The following PRKG1 variants were observed in gnomAD, a reference collection of about 807,000 sequenced individuals.
PRKG1 encodes the protein protein kinase cGMP-dependent 1, also known as cGMP-dependent protein kinase 1.
PRKG1 carries 35 observed loss-of-function variants against 88.1 expected under a neutral mutation model. The observed-to-expected ratio is 0.40, with a 90% CI of 0.30 to 0.53. PRKG1 has a LOEUF of 0.53. Ranked by LOEUF, PRKG1 falls within the 20% of genes least tolerant of loss-of-function variation. The pLI, the probability that PRKG1 is intolerant of heterozygous loss-of-function variation, is 0.59. For missense variants in PRKG1, 540 were observed against 839.8 expected, an observed-to-expected ratio of 0.64 and a Z score of 4.41; for synonymous variants, 303 against 292.5, an observed-to-expected ratio of 1.04 and a Z score of -0.37.
intron 3 of PRKG1, among the ~76,000 whole-genome samples, chr10:51,702,751 C>T (rs955772358): frequency 2.0e-5 from 3 of 151,800 alleles, no homozygotes; most frequent in African/African-American, 7.3e-5. Context: ...GGCTGGAGTG[C>T]GATGGCGTGA....
At chr10:51,043,896 T>TG (rs1843455684) in intron 1 of PRKG1, among the ~76,000 whole-genome samples, 2 of 152,320 alleles carry the variant, frequency 1.3e-5, no homozygotes, top group Admixed American at 1.3e-4. Flanking sequence ...GGTCCCGTGA[T>TG]GGGACTGCTC....
At chr10:51,427,589 C>T (rs189708592) in intron 2 of PRKG1, among the ~76,000 whole-genome samples, 1 of 152,278 alleles carries the variant, frequency 6.6e-6, no homozygotes, top group East Asian at 1.9e-4. Flanking sequence ...GATTCATTGG[C>T]AAGAGCCACA....
At chr10:51,346,323 G>A (rs1386168553) in intron 2 of PRKG1, among the ~76,000 whole-genome samples, 2 of 152,290 alleles carry the variant, frequency 1.3e-5, no homozygotes, top group Middle Eastern at 3.4e-3. Flanking sequence ...TTGCGGCTGG[G>A]TTTTATTTGA....
In PRKG1 at chr10:51,750,350, A is replaced by C. The variant is rs574811265; in HGVS notation, c.593-54235A>C. ...ATTTGAGTATTTTTTGCATGTGGACATAAGAAATCACTAACAGACATAACA... is the reference window on the plus strand; with the variant it reads ...ATTTGAGTATTTTTTGCATGTGGACCTAAGAAATCACTAACAGACATAACA... On this transcript the variant is annotated intron_variant, in intron 3 of 17. Transcript: ENST00000373980. 7.9e-5 allele frequency among the ~76,000 whole-genome samples: 12 copies of C among 152,330 alleles called. No individual in the cohort carries two copies. The South Asian group carries it at 2.5e-3, about 32-fold the overall frequency.
intron 1 of PRKG1, among the ~76,000 whole-genome samples, chr10:51,002,151 CAG>C (rs896097400): frequency 8.1e-5 from 12 of 148,440 alleles, no homozygotes; most frequent in Non-Finnish European, 1.3e-4. Context: ...GAGGAGAAAA[CAG>C]AGAAATAATG....
At chr10:52,159,691 A>C (rs1457607484) in intron 8 of PRKG1, among the ~76,000 whole-genome samples, 1 of 151,726 alleles carries the variant, frequency 6.6e-6, no homozygotes. Flanking sequence ...TCATCAGTTT[A>C]CTCTGTAATT....
intron 4 of PRKG1, among the ~76,000 whole-genome samples, chr10:51,829,624 T>C (rs1449203320): frequency 1.3e-5 from 2 of 152,216 alleles, no homozygotes; most frequent in Non-Finnish European, 2.9e-5. Flanking sequence ...CAGGGTTGAA[T>C]GTATAGGTCT....
intron 3 of PRKG1, chr10:51,696,075 G>A (rs1413766547): frequency 6.6e-6 from 1 of 152,094 alleles, no homozygotes; most frequent in Admixed American, 6.6e-5. Flanking sequence ...TGTCTCATTG[G>A]TATGTATATT....
intron 3 of PRKG1, among the ~76,000 whole-genome samples, chr10:51,749,344 A>G (rs1482563749): frequency 6.6e-6 from 1 of 152,198 alleles, no homozygotes; most frequent in Non-Finnish European, 1.5e-5. Flanking sequence ...GAAGTCTGAG[A>G]CCAGGCTGCC....
At chr10:52,254,178 A>G (rs1346898467) in intron 10 of PRKG1, among the ~76,000 whole-genome samples, 1 of 152,034 alleles carries the variant, frequency 6.6e-6, no homozygotes, top group Non-Finnish European at 1.5e-5. Context: ...ATCAATCACC[A>G]TAAGGGTAAC....
Position 51,738,269 on chromosome 10 carries a change from T to A in PRKG1, c.593-66316T>A, listed in dbSNP as rs550841639. 1.8e-3 allele frequency among the ~76,000 whole-genome samples: 268 copies of A among 152,276 alleles called. 1 individual carries two copies. The highest frequency in any genetic ancestry group is 6.0e-3 in the African/African-American group (250 of 41,544). ...ATAGATATTACCTAGAGTTTTTTGT[T>A]TTCTAAATTTGTGCGCTCAGTTTAG... On this transcript the variant is annotated intron_variant, in intron 3 of 17. Coordinates refer to ENST00000373980, the MANE Select transcript of PRKG1 (RefSeq NM_006258.4).
At chr10:51,422,503 C>T (rs1381037433) in intron 2 of PRKG1, among the ~76,000 whole-genome samples, 2 of 152,294 alleles carry the variant, frequency 1.3e-5, no homozygotes, top group Non-Finnish European at 1.5e-5. Context: ...CAACTCCAGG[C>T]AGCTCCTCCA....
At chr10:51,755,212 G>A (rs1012564937) in intron 3 of PRKG1, among the ~76,000 whole-genome samples, 2 of 152,164 alleles carry the variant, frequency 1.3e-5, no homozygotes, top group African/African-American at 2.4e-5. Flanking sequence ...CAACTGTTAA[G>A]CTGTACACTG....
chr10:52,148,957 C>CTTTTTTT lies in PRKG1; in HGVS notation c.1002-12912_1002-12906dup, dbSNP rs71904885. Reference sequence around the variant, plus strand: ...TATTTGACCACAGAGGATAGTTTTGCTTTTTTTTTTTTTTTTTTTTTTTTT... The same window carrying CTTTTTTT: ...TATTTGACCACAGAGGATAGTTTTGCTTTTTTTTTTTTTTTTTTTTTTTTTTTTTTTT... On this transcript the variant is annotated intron_variant, in intron 8 of 17. Transcript: ENST00000373980. Among the ~76,000 whole-genome samples, 3 of 55,166 alleles carry CTTTTTTT rather than the reference C, an allele frequency of 5.4e-5. 1 individual carries two copies. The highest frequency in any genetic ancestry group is 2.3e-4 in the African/African-American group (3 of 13,332). 36.2% of individuals were successfully genotyped at this position (55,166 alleles called of 152,430 possible).
chr10:52,201,110 C>T (rs575846840), intron 9 of PRKG1, among the ~76,000 whole-genome samples: 16 of 152,086 alleles, frequency 1.1e-4, no homozygotes, highest in Middle Eastern at 3.4e-3. Flanking sequence ...TTGGTGCCTT[C>T]GTTATGAAAT....
intron 3 of PRKG1, among the ~76,000 whole-genome samples, chr10:51,596,145 A>G (rs572056561): frequency 6.6e-6 from 1 of 152,162 alleles, no homozygotes; most frequent in Admixed American, 6.5e-5. Flanking sequence ...TGATTATTTA[A>G]CTGATTTCTG....
chr10:51,389,925 C>A (rs905084886), intron 2 of PRKG1, among the ~76,000 whole-genome samples: 7 of 152,068 alleles, frequency 4.6e-5, no homozygotes, highest in African/African-American at 1.7e-4. Flanking sequence ...TCTTGAAATT[C>A]CCATCTGTGG....
chr10:52,211,713 A>G (rs1468759011), intron 9 of PRKG1, among the ~76,000 whole-genome samples: 2 of 151,610 alleles, frequency 1.3e-5, no homozygotes, highest in African/African-American at 4.8e-5. Context: ...AAAAAAAAAA[A>G]AAAAGAAAAG....
At chr10:51,447,615 T>C (rs1164632153) in intron 2 of PRKG1, among the ~76,000 whole-genome samples, 4 of 95,596 alleles carry the variant, frequency 4.2e-5, no homozygotes, top group African/African-American at 2.6e-4. Flanking sequence ...TCACCCACCA[T>C]TTCCATTTCT....
Sources: allele counts gnomAD v4.1 joint callset (sites outside exome capture counted in the v4.1 genomes callset), GRCh38; gene constraint gnomAD v4.1.1; transcripts MANE v1.5; gene names NCBI Gene and HGNC (gene_info 2026-07-23, HGNC 2026-07-21).